FBL: variants seen among roughly 807,000 people sequenced by gnomAD.
The protein encoded by FBL is fibrillarin rRNA 2'-O-methyltransferase.
In FBL, 10 loss-of-function variants were observed where a neutral mutation model predicts 42.2. The ratio of observed to expected loss-of-function variants is 0.24; its 90% CI spans 0.15 to 0.40. The LOEUF is 0.40. Among genes scored for constraint, FBL ranks in the 10% least tolerant of loss-of-function variants. FBL has a pLI of 1.00. For missense variants in FBL, 351 were observed against 439.2 expected, an observed-to-expected ratio of 0.80 and a Z score of 1.79; for synonymous variants, 165 against 165.4, an observed-to-expected ratio of 1.00 and a Z score of 0.02.
intron 1 of FBL, among the ~76,000 whole-genome samples, chr19:39,844,783 A>T (rs114309867): frequency 1.5e-3 from 223 of 152,320 alleles, no homozygotes; most frequent in African/African-American, 5.1e-3. Context: ...AGCAAAAAGA[A>T]TCCCTTTTAA....
In FBL at chr19:39,840,888, T is replaced by G; in HGVS notation, c.11-101A>C. On this transcript the variant is annotated intron_variant, in intron 1 of 8. Transcript: ENST00000221801. This position sits in a 1 kb window ranked among gnomAD's most constrained non-coding sequence, Gnocchi z 4.5. ...TCAGGTGAGAAACCTGAAATACATGTGCCCGTGTACAGCAGGACACATTTC... is the reference window on the plus strand; with the variant it reads ...TCAGGTGAGAAACCTGAAATACATGGGCCCGTGTACAGCAGGACACATTTC... The G allele has an allele frequency of 8.7e-7, 1 of 1,153,726 alleles. No individual in the cohort carries two copies. The highest frequency in any genetic ancestry group is 1.2e-6 in the Non-Finnish European group (1 of 835,440). The allele number at this position is 1,153,726 out of a possible 1,614,324, so 71.5% of individuals were successfully genotyped here.
At chr19:39,845,729 AGGCGG>A (rs1969251575) in intron 1 of FBL, among the ~76,000 whole-genome samples, 1 of 152,240 alleles carries the variant, frequency 6.6e-6, no homozygotes, top group African/African-American at 2.4e-5. Flanking sequence ...TAAGTGCAGA[AGGCGG>A]GAAAGTGAGC....
At chr19:39,845,230 T>G (rs1330820069) in intron 1 of FBL, among the ~76,000 whole-genome samples, 2 of 151,990 alleles carry the variant, frequency 1.3e-5, no homozygotes, top group African/African-American at 4.8e-5. Flanking sequence ...CTCACACAGA[T>G]GAGTGCGGGT....
At position 39,846,300 on chromosome 19, in the gene FBL, T is replaced by TG; in HGVS notation, c.-1dup. ...CTCACCCCAGCCTGACCTGGCTTCATGGCGAGCCCTGGTTTGTGCGGCTCC... is the reference window on the plus strand; with the variant it reads ...CTCACCCCAGCCTGACCTGGCTTCATGGGCGAGCCCTGGTTTGTGCGGCTCC... On this transcript the variant is annotated 5_prime_UTR_variant, in exon 1 of 9. Coordinates refer to ENST00000221801, the MANE Select transcript of FBL (RefSeq NM_001436.4). 1 of 1,613,832 alleles carries TG rather than the reference T, an allele frequency of 6.2e-7. No individual in the cohort carries two copies. Among genetic ancestry groups the TG allele is most frequent in the Non-Finnish European group, 8.5e-7 (1 of 1,179,886 alleles).
chr19:39,839,056 A>C lies in FBL; in HGVS notation c.528T>G (p.His176Gln). The change falls in exon 5 of 9, where the codon CAT becomes CAG. Residue 176 changes from histidine (H) to glutamine (Q), a missense_variant. Transcript: ENST00000221801. ...LGAASGTTVS[H>Q]VSDIVGPDGL... ...TCACCGGACCAACGATGTCAGAGAC[A>C]TGGGAGACCGTGGTGCCCGAGGCAG... The C allele has an allele frequency of 1.2e-6, 2 of 1,613,456 alleles. No homozygotes were observed. Among genetic ancestry groups the C allele is most frequent in the Non-Finnish European group, 1.7e-6 (2 of 1,179,652 alleles).
chr19:39,845,845 C>A (rs1223695573), intron 1 of FBL, among the ~76,000 whole-genome samples: 4 of 152,200 alleles, frequency 2.6e-5, no homozygotes, highest in East Asian at 3.8e-4. Context: ...GTGGCAGCGA[C>A]AGGGAAGGCA....
At position 39,840,437 on chromosome 19, in the gene FBL, A is replaced by G. The variant is rs778623138; in HGVS notation, c.260T>C (p.Met87Thr). The G allele has an allele frequency of 1.4e-5, 23 of 1,613,812 alleles. No individual in the cohort carries two copies. In the East Asian group the frequency reaches 5.1e-4, roughly 36 times the overall value. The stretch of plus-strand genomic sequence containing the variant: ...ACCCTCATGCCGATGCGGCTCCACC[A>G]TCACATTCTTCCCCGACTGGTTTCC... ...KRGNQSGKNVMVEPHRHEGVF... is the reference protein window; with the variant it reads ...KRGNQSGKNVTVEPHRHEGVF... The change falls in exon 3 of 9, where the codon ATG (methionine) becomes ACG (threonine). Residue 87 changes from methionine to threonine, a missense_variant. Transcript: ENST00000221801. The surrounding 1 kb of genome is among the most constrained non-coding windows in gnomAD (Gnocchi z 4.5).
At chr19:39,835,796 C>T (rs1236289966) in intron 7 of FBL, among the ~76,000 whole-genome samples, 1 of 152,108 alleles carries the variant, frequency 6.6e-6, no homozygotes, top group African/African-American at 2.4e-5. Flanking sequence ...TGTGGTGGCA[C>T]ACGCCTGTAG....
In FBL at chr19:39,840,560, G is replaced by A. The variant is rs767911844; in HGVS notation, c.182-45C>T. ...CAGGAGAGAAAGATCCTGAATCTCC[G>A]CCCTCCCCACTCCCCACCTCAGGAA... is the stretch of plus-strand genomic sequence containing the variant. On this transcript the variant is annotated intron_variant, in intron 2 of 8. Transcript: ENST00000221801. The surrounding 1 kb of genome is among the most constrained non-coding windows in gnomAD (Gnocchi z 4.5). 1.2e-5 allele frequency: 20 copies of A among 1,612,238 alleles called. No homozygotes were observed. The highest frequency in any genetic ancestry group is 8.9e-5 in the East Asian group (4 of 44,862).
chr19:39,841,688 G>A (rs761837187), intron 1 of FBL, among the ~76,000 whole-genome samples: 5 of 152,158 alleles, frequency 3.3e-5, no homozygotes, highest in Admixed American at 6.5e-5. Context: ...AAAACAGAGG[G>A]GAATACAGGA....
chr19:39,837,675 G>A (rs745952655), intron 6 of FBL, 36 bp downstream of exon 6: 2 of 1,530,648 alleles, frequency 1.3e-6, no homozygotes, highest in Non-Finnish European at 1.7e-6. Context: ...GCGGTGGCCT[G>A]TCCTACCCCA....
Position 39,840,448 on chromosome 19 carries a change from C to A in FBL, c.249G>T (p.Gly83=). The change falls in exon 3 of 9, where the codon GGG becomes GGT. Residue 83 remains glycine (G), a synonymous_variant. Coordinates refer to ENST00000221801, the MANE Select transcript of FBL (RefSeq NM_001436.4). The surrounding 1 kb of genome is among the most constrained non-coding windows in gnomAD (Gnocchi z 4.5). ...GRGGKRGNQS[G]KNVMVEPHRH... ...GATGCGGCTCCACCATCACATTCTT[C>A]CCCGACTGGTTTCCTCTTTTTCCTC... The A allele has an allele frequency of 1.2e-6, 2 of 1,614,178 alleles. No homozygotes were observed. The highest frequency in any genetic ancestry group is 2.2e-5 in the South Asian group (2 of 91,074).
intron 1 of FBL, among the ~76,000 whole-genome samples, chr19:39,841,489 A>G (rs1466672357): frequency 6.6e-6 from 1 of 152,224 alleles, no homozygotes; most frequent in African/African-American, 2.4e-5. Context: ...GTTACTGTTA[A>G]TATCCTGGTT....
chr19:39,840,342 C>T lies in FBL; in HGVS notation c.284-15G>A, dbSNP rs1187974807. 6.2e-7 allele frequency: 1 copy of T among 1,613,438 alleles called. No homozygotes were observed. The highest frequency in any genetic ancestry group is 8.5e-7 in the Non-Finnish European group (1 of 1,179,474). ...AATGAAGACACCTGGGTGAGGGGAT[C>T]AGAGCAGGGGTGAGGACCCCCAGCC... On this transcript the variant is annotated splice_polypyrimidine_tract_variant and intron_variant, in intron 3 of 8. Coordinates refer to ENST00000221801, the MANE Select transcript of FBL (RefSeq NM_001436.4). This position sits in a 1 kb window ranked among gnomAD's most constrained non-coding sequence, Gnocchi z 4.5.
chr19:39,842,767 G>C (rs1458846542), intron 1 of FBL, among the ~76,000 whole-genome samples: 2 of 152,080 alleles, frequency 1.3e-5, no homozygotes, highest in Non-Finnish European at 2.9e-5. Context: ...TGATTTCATT[G>C]TTCTGGGCGC....
chr19:39,840,741 ACCAAAGCCCCCTCGGCCG>A lies in FBL; in HGVS notation c.39_56del (p.Gly14_Gly19del). 1 of 1,575,440 alleles carries A rather than the reference ACCAAAGCCCCCTCGGCCG, an allele frequency of 6.3e-7. No individual in the cohort carries two copies. Among genetic ancestry groups the A allele is most frequent in the Non-Finnish European group, 8.6e-7 (1 of 1,160,708 alleles). ...CTCGGCCTCCACGACCACCACGGTC[ACCAAAGCCCCCTCGGCCG>A]CCAAAGCCACCCCCACGGGGACTGA... is the stretch of plus-strand genomic sequence containing the variant. On this transcript the variant is annotated inframe_deletion, in exon 2 of 9. Coordinates refer to ENST00000221801, the MANE Select transcript of FBL (RefSeq NM_001436.4). This position sits in a 1 kb window ranked among gnomAD's most constrained non-coding sequence, Gnocchi z 4.5.
At chr19:39,844,949 C>A (rs185165296) in intron 1 of FBL, among the ~76,000 whole-genome samples, 2 of 152,244 alleles carry the variant, frequency 1.3e-5, no homozygotes, top group East Asian at 3.9e-4. Flanking sequence ...GGGTATCCTC[C>A]ATTTATGAGG....
chr19:39,836,459 GC>G, intron 7 of FBL, 96 bp downstream of exon 7: 1 of 721,654 alleles, frequency 1.4e-6, no homozygotes, highest in Non-Finnish European at 2.3e-6. Context: ...TGCAGACTTG[GC>G]CCCTCTGTTT....
At chr19:39,845,393 G>A (rs901897937) in intron 1 of FBL, among the ~76,000 whole-genome samples, 3 of 152,026 alleles carry the variant, frequency 2.0e-5, no homozygotes, top group Non-Finnish European at 4.4e-5. Flanking sequence ...CCTAACTGGC[G>A]CCATTTTATT....
Sources: allele counts gnomAD v4.1 joint callset (sites outside exome capture counted in the v4.1 genomes callset), GRCh38; gene constraint gnomAD v4.1.1; non-coding constraint Gnocchi (gnomAD v3.1); transcripts MANE v1.5; gene names NCBI Gene and HGNC (gene_info 2026-07-23, HGNC 2026-07-21).